SEMA3C: variants seen among roughly 807,000 people sequenced by gnomAD.
SEMA3C encodes semaphorin-3C.
SEMA3C carries 47 observed loss-of-function variants against 89.4 expected under a neutral mutation model. The ratio of observed to expected loss-of-function variants is 0.53; its 90% confidence interval spans 0.42 to 0.67. SEMA3C has a LOEUF of 0.67. Ranked by LOEUF, SEMA3C falls within the 30% of genes least tolerant of loss-of-function variation. SEMA3C has a pLI of 0.00. For missense variants in SEMA3C, 839 were observed against 929.1 expected, an observed-to-expected ratio of 0.90 and a Z score of 1.26; for synonymous variants, 310 against 320.2, an observed-to-expected ratio of 0.97 and a Z score of 0.34.
At chr7:80,876,307 A>G (rs1303560397) in intron 2 of SEMA3C, among the ~76,000 whole-genome samples, 1 of 152,188 alleles carries the variant, frequency 6.6e-6, no homozygotes, top group Non-Finnish European at 1.5e-5. Context: ...TTGCATACTT[A>G]AGCATTTAAC....
Position 80,918,961 on chromosome 7 carries a change from C to A in SEMA3C, c.-172G>T. 1.0e-6 allele frequency: 1 copy of A among 985,442 alleles called. No individual in the cohort carries two copies. The highest frequency in any genetic ancestry group is 1.1e-4 in the East Asian group (1 of 8,802). The allele number at this position is 985,442 out of a possible 1,614,324, so 61.0% of individuals were successfully genotyped here. On this transcript the variant is annotated 5_prime_UTR_variant, in exon 1 of 18. Coordinates refer to ENST00000265361, the MANE Select transcript of SEMA3C (RefSeq NM_006379.5). ...AAAGGTGAAATTCTTTCTTCCCGGT[C>A]CTCTGAGTTTCTTTGTAAAGGAATC...
At position 80,805,705 on chromosome 7, in the gene SEMA3C, T is replaced by C; in HGVS notation, c.592A>G (p.Ile198Val). 6.2e-7 allele frequency: 1 copy of C among 1,610,172 alleles called. No individual in the cohort carries two copies. Among genetic ancestry groups the C allele is most frequent in the Non-Finnish European group, 8.5e-7 (1 of 1,176,890 alleles). Residue 198 changes from isoleucine (I) to valine (V), a missense_variant, in exon 7 of 18, where the codon ATT becomes GTT. Ile to Val is a conservative substitution (Grantham distance 29). Coordinates refer to ENST00000265361, the MANE Select transcript of SEMA3C (RefSeq NM_006379.5). ...YIDFMGTDAA[I>V]FRSLTKRNAV... The stretch of plus-strand genomic sequence containing the variant: ...TTCCTCTTGGTTAAACTTCGAAAAA[T>C]AGCAGCATCTGTCCCCATGAAATCT...
At chr7:80,843,315 C>G (rs1562901809) in intron 2 of SEMA3C, among the ~76,000 whole-genome samples, 1 of 152,108 alleles carries the variant, frequency 6.6e-6, no homozygotes. Flanking sequence ...CACATGTACT[C>G]TATGTATTAT....
chr7:80,798,350 T>C, intron 10 of SEMA3C, 114 bp from the exon 11 acceptor site: 1 of 961,094 alleles, frequency 1.0e-6, no homozygotes, highest in Non-Finnish European at 1.4e-6. Flanking sequence ...ATAGAAAAGT[T>C]AAATGTTATC....
chr7:80,867,086 C>A (rs1790944632), intron 2 of SEMA3C, among the ~76,000 whole-genome samples: 1 of 152,010 alleles, frequency 6.6e-6, no homozygotes, highest in African/African-American at 2.4e-5. Flanking sequence ...TTTAAATATA[C>A]AAAATACACA....
intron 4 of SEMA3C, among the ~76,000 whole-genome samples, chr7:80,826,951 TG>T (rs1789885780): frequency 6.6e-6 from 1 of 152,160 alleles, no homozygotes; most frequent in South Asian, 2.1e-4. Context: ...CCTCTATTGC[TG>T]TTTCTGTGGC....
intron 2 of SEMA3C, among the ~76,000 whole-genome samples, chr7:80,904,308 T>C (rs1028027485): frequency 3.9e-5 from 6 of 152,196 alleles, no homozygotes; most frequent in African/African-American, 1.4e-4. Context: ...TCCAAAGTGC[T>C]GGGATTACAG....
intron 12 of SEMA3C, among the ~76,000 whole-genome samples, chr7:80,788,861 A>C (rs1467230337): frequency 6.6e-6 from 1 of 152,188 alleles, no homozygotes; most frequent in African/African-American, 2.4e-5. Context: ...TGGCTTATTA[A>C]ATAAGGGCTA....
chr7:80,807,961 A>G (rs1269497488), intron 6 of SEMA3C, among the ~76,000 whole-genome samples: 1 of 152,194 alleles, frequency 6.6e-6, no homozygotes, highest in African/African-American at 2.4e-5. Flanking sequence ...TTTTACTGTC[A>G]GTTTTCAAGG....
chr7:80,803,386 C>T lies in SEMA3C; in HGVS notation c.802-607G>A, dbSNP rs567836807. Among the ~76,000 whole-genome samples the T allele has an allele frequency of 2.0e-5, 3 of 152,294 alleles. No individual in the cohort carries two copies. The South Asian group carries it at 6.2e-4, about 32-fold the overall frequency. ...GGCCTTTTACCCCTTCTGCTGACTT[C>T]GCTGCCTTGTTGCAAATGACTGAGA... On this transcript the variant is annotated intron_variant, in intron 8 of 17. Coordinates refer to ENST00000265361, the MANE Select transcript of SEMA3C (RefSeq NM_006379.5).
At chr7:80,765,113 T>G in intron 13 of SEMA3C, 42 bp downstream of exon 13, 2 of 1,319,542 alleles carry the variant, frequency 1.5e-6, no homozygotes, top group East Asian at 2.3e-5. Flanking sequence ...AGAATTCCAC[T>G]CATCATGCAT....
At chr7:80,828,797 C>G in intron 2 of SEMA3C, 52 bp from the exon 3 acceptor site, 2 of 1,313,622 alleles carry the variant, frequency 1.5e-6, no homozygotes, top group South Asian at 3.3e-5. Flanking sequence ...TTCTATAATT[C>G]TATTATTTTA....
intron 2 of SEMA3C, among the ~76,000 whole-genome samples, chr7:80,894,476 T>C (rs932488511): frequency 1.3e-5 from 2 of 152,124 alleles, no homozygotes; most frequent in South Asian, 2.1e-4. Context: ...TAGCCACATG[T>C]TTCTACAAAA....
rs1436078082 is a variant in SEMA3C at position 80,744,371 on chromosome 7, CT to C, written c.*522del. 1 of 152,856 alleles carries C rather than the reference CT, an allele frequency of 6.5e-6. No homozygotes were observed. Among genetic ancestry groups the C allele is most frequent in the Non-Finnish European group, 1.5e-5 (1 of 68,604 alleles). 9.5% of individuals were successfully genotyped at this position (152,856 alleles called of 1,614,324 possible). On this transcript the variant is annotated 3_prime_UTR_variant, in exon 18 of 18. Transcript: ENST00000265361. ...TGGAACCATAAAAACTCATCATTTT[CT>C]CTTTATGAATAACTCATGTTTTTAT... is the stretch of plus-strand genomic sequence containing the variant.
intron 2 of SEMA3C, among the ~76,000 whole-genome samples, chr7:80,887,263 G>C (rs2116130231): frequency 6.6e-6 from 1 of 152,216 alleles, no homozygotes; most frequent in South Asian, 2.1e-4. Context: ...ACCAATTTTA[G>C]TATTCAAAAC....
At chr7:80,908,487 C>T (rs1308219914) in intron 2 of SEMA3C, among the ~76,000 whole-genome samples, 9 of 152,284 alleles carry the variant, frequency 5.9e-5, no homozygotes, top group East Asian at 1.9e-4. Flanking sequence ...TCTGCTCGCT[C>T]TTTGGCAACT....
intron 12 of SEMA3C, among the ~76,000 whole-genome samples, chr7:80,767,430 A>G (rs1052945581): frequency 3.3e-5 from 5 of 152,242 alleles, no homozygotes; most frequent in African/African-American, 1.2e-4. Context: ...CAAGATTTAT[A>G]AATGGTTTCA....
At chr7:80,873,521 A>G (rs961443520) in intron 2 of SEMA3C, among the ~76,000 whole-genome samples, 2 of 152,156 alleles carry the variant, frequency 1.3e-5, no homozygotes, top group Admixed American at 1.3e-4. Context: ...TACTAGGCCC[A>G]TTTCTATGTG....
chr7:80,862,929 T>C (rs1440917833), intron 2 of SEMA3C, among the ~76,000 whole-genome samples: 1 of 152,160 alleles, frequency 6.6e-6, no homozygotes, highest in Non-Finnish European at 1.5e-5. Flanking sequence ...TCTCTTCTTA[T>C]ACAAAAATCT....
Sources: gnomAD v4.1 joint callset for allele counts (sites outside exome capture counted in the v4.1 genomes callset) on GRCh38, gnomAD v4.1.1 for gene constraint, MANE v1.5 for transcripts, NCBI Gene and HGNC (gene_info 2026-07-23, HGNC 2026-07-21) for gene names.